Variants in ATAD2B observed in about 807,000 individuals in gnomAD.
ATAD2B encodes the protein ATPase family AAA domain-containing protein 2B.
ATAD2B carries 40 observed loss-of-function variants against 167.6 expected under a neutral mutation model. That is an observed-to-expected ratio of 0.24 (90% CI 0.19 to 0.31). ATAD2B has a LOEUF of 0.31. Ranked by LOEUF, ATAD2B falls within the 10% of genes least tolerant of loss-of-function variation. The pLI, the probability that ATAD2B is intolerant of heterozygous loss-of-function variation, is 1.00. For synonymous variants in ATAD2B, 579 were observed against 596.5 expected (o/e 0.97, Z 0.43); for missense variants, 1,242 against 1,757.2 (o/e 0.71, Z 5.24).
rs576638440 is a variant in ATAD2B, at chr2:23,833,859, C to G, written c.1728+60G>C. Reference sequence around the variant, plus strand: ...AATTCATAAAATATCACCCTCAGAACATATGCCTTATAGTAGAATTACATA... The same window carrying G: ...AATTCATAAAATATCACCCTCAGAAGATATGCCTTATAGTAGAATTACATA... On this transcript the variant is annotated intron_variant, in intron 14 of 27. Transcript: ENST00000238789. 60 of 1,310,794 alleles carry G rather than the reference C, an allele frequency of 4.6e-5. 1 individual carries two copies. In the African/African-American group the frequency reaches 8.4e-4, roughly 18 times the overall value. 81.2% of individuals were successfully genotyped at this position (1,310,794 alleles called of 1,614,324 possible).
At chr2:23,708,637 T>A in the ATAD2B span, 19 of 152,348 alleles carry the variant, frequency 1.2e-4, no homozygotes, top group African/African-American at 3.6e-4. Flanking sequence ...TTGTGTGCCA[T>A]CGTCCTGCCA....
At chr2:23,745,408 GGAAGGAA>G, downstream of ATAD2B, among the ~76,000 whole-genome samples, 2 of 99,842 alleles carry the variant, frequency 2.0e-5, no homozygotes, top group Admixed American at 9.9e-5. Flanking sequence ...AAGGAAGGAA[GGAAGGAA>G]GGAAGGAAAG....
intron 13 of ATAD2B, among the ~76,000 whole-genome samples, chr2:23,838,678 G>GT (rs565289873): frequency 4.0e-5 from 6 of 151,772 alleles, no homozygotes; most frequent in African/African-American, 4.8e-5. Flanking sequence ...AGGAATCCAG[G>GT]TTTTTTTTCC....
intron 16 of ATAD2B, among the ~76,000 whole-genome samples, chr2:23,822,833 G>A (rs562458469): frequency 8.2e-5 from 12 of 145,610 alleles, no homozygotes; most frequent in Admixed American, 3.6e-4. Context: ...CAGGAGAATC[G>A]CTGTACCCGG....
rs1331466314 is a variant in ATAD2B at position 23,888,385 on chromosome 2, G to C, written c.383C>G (p.Pro128Arg). 1 of 1,591,144 alleles carries C rather than the reference G, an allele frequency of 6.3e-7. No homozygotes were observed. Among genetic ancestry groups the C allele is most frequent in the South Asian group, 1.1e-5 (1 of 87,096 alleles). ...ATGTCCATTTGGTAATGTAGCACCA[G>C]GCTGAGAAGTTAACCTAGAACACAA... Reference protein sequence around the residue: ...STGQARLTSQPGATLPNGHSG... With the variant: ...STGQARLTSQRGATLPNGHSG... The change falls in exon 3 of 28, where the codon CCT (proline) becomes CGT (arginine). Residue 128 changes from proline to arginine, a missense_variant. Physicochemically the swap from Pro to Arg is moderately radical, Grantham distance 103. This residue lies in a region of ATAD2B where 199 missense variants were observed against 194.9 expected (regional missense o/e 1.02). Transcript: ENST00000238789.
At chr2:23,706,941 A>T in the ATAD2B span, 3 of 323,226 alleles carry the variant, frequency 9.3e-6, no homozygotes, top group Non-Finnish European at 1.7e-5. Context: ...GGTGCAATAG[A>T]GTTTCACGTA....
the ATAD2B span, chr2:23,695,583 C>G: frequency 7.0e-7 from 1 of 1,431,430 alleles, no homozygotes; most frequent in Non-Finnish European, 9.4e-7. The surrounding 1 kb of genome is among the most constrained non-coding windows in gnomAD (Gnocchi z 7.6). Context: ...GTGGCTCTCT[C>G]TTGCTAGTCT....
At position 23,887,874 on chromosome 2, in the gene ATAD2B, T is replaced by G; in HGVS notation, c.530A>C (p.Glu177Ala). The G allele has an allele frequency of 6.2e-7, 1 of 1,610,588 alleles. No individual in the cohort carries two copies. The highest frequency in any genetic ancestry group is 8.5e-7 in the Non-Finnish European group (1 of 1,178,744). The part of the protein sequence containing the change: ...KSCRSRKNRF[E>A]SVNQSLLFDQ... ...AAATAACAAACTCTGGTTCACACTT[T>G]CAAATCTGTTTTTCCTGGAACGACA... Residue 177 changes from glutamate (E) to alanine (A), a missense_variant, in exon 4 of 28, where the codon GAA becomes GCA. This residue lies in a region of ATAD2B where 99 missense variants were observed against 160.4 expected (regional missense o/e 0.62). Coordinates refer to ENST00000238789, the MANE Select transcript of ATAD2B (RefSeq NM_017552.4).
At chr2:23,699,475 G>A in the ATAD2B span, among the ~76,000 whole-genome samples, 3 of 152,194 alleles carry the variant, frequency 2.0e-5, no homozygotes, top group African/African-American at 2.4e-5. Flanking sequence ...ACTGAGGACC[G>A]ATATTCCAGC....
rs115346295 is a variant in ATAD2B at position 23,782,263 on chromosome 2, G to T, written c.3133+606C>A. 3.9e-5 allele frequency among the ~76,000 whole-genome samples: 6 copies of T among 152,246 alleles called. No individual in the cohort carries two copies. The East Asian group carries it at 1.2e-3, about 29-fold the overall frequency. ...TATACTCTAACCAAAATCACTTAAC[G>T]CAAGTCCAAATCCTATATGGTTCCC... On this transcript the variant is annotated intron_variant, in intron 22 of 27. Transcript: ENST00000238789.
At chr2:23,819,258 G>A (rs1410375404) in intron 17 of ATAD2B, among the ~76,000 whole-genome samples, 4 of 152,108 alleles carry the variant, frequency 2.6e-5, no homozygotes, top group Non-Finnish European at 5.9e-5. Flanking sequence ...AGCACTTCGG[G>A]AGTCCAAAGC....
At chr2:23,820,146 C>A (rs926776624) in intron 16 of ATAD2B, among the ~76,000 whole-genome samples, 13 of 148,736 alleles carry the variant, frequency 8.7e-5, no homozygotes, top group East Asian at 2.0e-4. Flanking sequence ...AAAAAAAAAA[C>A]AAGTCTGGAA....
At chr2:23,790,481 C>T (rs1681511151) in intron 19 of ATAD2B, among the ~76,000 whole-genome samples, 1 of 152,288 alleles carries the variant, frequency 6.6e-6, no homozygotes, top group African/African-American at 2.4e-5. Context: ...TATGTTAACA[C>T]TTTATGAATA....
chr2:23,777,261 C>T (rs1408627971), intron 22 of ATAD2B, among the ~76,000 whole-genome samples: 1 of 152,160 alleles, frequency 6.6e-6, no homozygotes, highest in Admixed American at 6.5e-5. Flanking sequence ...GTTATGGTAG[C>T]ACTAGTAAAC....
rs530093965 is a variant in ATAD2B at position 23,911,161 on chromosome 2, C to T, written c.217-15191G>A. On this transcript the variant is annotated intron_variant, in intron 1 of 27. Coordinates refer to ENST00000238789, the MANE Select transcript of ATAD2B (RefSeq NM_017552.4). ...GCTTGAACCCAGGGGGCAGAGGTTG[C>T]AGTGAGCCGAGATTGCACCATTGCA... 1.1e-4 allele frequency among the ~76,000 whole-genome samples: 17 copies of T among 150,784 alleles called. No individual in the cohort carries two copies. In the South Asian group the frequency reaches 3.1e-3, roughly 28 times the overall value.
the ATAD2B span, among the ~76,000 whole-genome samples, chr2:23,694,743 C>T: frequency 6.6e-6 from 1 of 152,248 alleles, no homozygotes; most frequent in Non-Finnish European, 1.5e-5. Context: ...AATGTCCACC[C>T]TCCCATCCAC....
chr2:23,747,011 G>A (rs756907707), downstream of ATAD2B, among the ~76,000 whole-genome samples: 1 of 152,046 alleles, frequency 6.6e-6, no homozygotes, highest in Non-Finnish European at 1.5e-5. Context: ...CTGCAACAGT[G>A]CCTGATACAT....
chr2:23,839,572 T>C (rs1428806446), intron 13 of ATAD2B, among the ~76,000 whole-genome samples: 1 of 152,124 alleles, frequency 6.6e-6, no homozygotes, highest in Non-Finnish European at 1.5e-5. Flanking sequence ...ATAAACCTTG[T>C]ATATTTGAAA....
chr2:23,792,986 A>C (rs1049478925), intron 19 of ATAD2B, among the ~76,000 whole-genome samples: 6 of 150,318 alleles, frequency 4.0e-5, no homozygotes, highest in Non-Finnish European at 1.5e-5. Flanking sequence ...AAAAAAAAAA[A>C]AAAACTTGAG....
Sources: gnomAD v4.1 joint callset for allele counts (sites outside exome capture counted in the v4.1 genomes callset) on GRCh38, gnomAD v4.1.1 for gene constraint, gnomAD v4.1.1 regional missense constraint, Gnocchi (gnomAD v3.1) non-coding constraint, MANE v1.5 for transcripts, NCBI Gene and HGNC (gene_info 2026-07-23, HGNC 2026-07-21) for gene names.